The following DPYD variants were observed in gnomAD, a reference collection of about 807,000 sequenced individuals.
DPYD encodes the protein dihydropyrimidine dehydrogenase [NADP(+)].
Under a neutral mutation model 116.2 loss-of-function variants are expected in DPYD, and 109 were observed. That is an observed-to-expected ratio of 0.94 (90% CI 0.80 to 1.10). The LOEUF is 1.10. DPYD is among the 50% of genes least tolerant of loss of function. DPYD has a pLI of 0.00. For synonymous variants in DPYD, 440 were observed against 432.0 expected (o/e 1.02, Z -0.23); for missense variants, 1,302 against 1,254.5 (o/e 1.04, Z -0.57).
intron 13 of DPYD, among the ~76,000 whole-genome samples, chr1:97,489,994 A>G (rs1451227941): frequency 2.0e-5 from 3 of 152,142 alleles, no homozygotes. Context: ...CACCAAATAA[A>G]CAACAATGTG....
intron 11 of DPYD, among the ~76,000 whole-genome samples, chr1:97,562,087 A>G (rs1252070334): frequency 6.6e-6 from 1 of 152,256 alleles, no homozygotes; most frequent in Admixed American, 6.5e-5. Context: ...AGAATCTTGT[A>G]TAATTAATAC....
intron 12 of DPYD, among the ~76,000 whole-genome samples, chr1:97,535,113 A>C (rs1034929308): frequency 6.6e-6 from 1 of 152,268 alleles, no homozygotes; most frequent in African/African-American, 2.4e-5. Context: ...CTGAGCAATT[A>C]GTTCACAACT....
At chr1:97,171,900 C>T (rs1656747146) in intron 20 of DPYD, among the ~76,000 whole-genome samples, 1 of 151,940 alleles carries the variant, frequency 6.6e-6, no homozygotes, top group African/African-American at 2.4e-5. Context: ...ATAGGCATCA[C>T]CTGCAACTAG....
intron 6 of DPYD, among the ~76,000 whole-genome samples, chr1:97,698,495 C>A (rs1291872037): frequency 6.6e-6 from 1 of 151,780 alleles, no homozygotes; most frequent in Non-Finnish European, 1.5e-5. Flanking sequence ...TTAAATTTAT[C>A]CTCTGTGATT....
Position 97,233,466 on chromosome 1 carries a change from G to A in DPYD, c.2442+1386C>T, listed in dbSNP as rs557475011. Among the ~76,000 whole-genome samples, 12 of 152,252 alleles carry A rather than the reference G, an allele frequency of 7.9e-5. No individual in the cohort carries two copies. In the East Asian group the frequency reaches 2.3e-3, roughly 30 times the overall value. On this transcript the variant is annotated intron_variant, in intron 19 of 22. Transcript: ENST00000370192. ...TCATTTTTGCCCAGTGGGGATGTGAGACTGCTTGGTGAGGGTGGACGTCTA... is the reference window on the plus strand; with the variant it reads ...TCATTTTTGCCCAGTGGGGATGTGAAACTGCTTGGTGAGGGTGGACGTCTA...
intron 16 of DPYD, among the ~76,000 whole-genome samples, chr1:97,319,309 G>A (rs987236912): frequency 2.9e-4 from 43 of 150,844 alleles, no homozygotes; most frequent in African/African-American, 1.1e-3. Context: ...TTTCTGAAAG[G>A]ATCAACAAAA....
chr1:97,254,291 T>C (rs666924), intron 18 of DPYD, among the ~76,000 whole-genome samples: 59,820 of 151,942 alleles, frequency 0.39, 11,960 homozygotes, highest in Middle Eastern at 0.46. Context: ...TATATACTTA[T>C]TTGTATGAAT....
At chr1:97,233,851 A>C (rs1196273995) in intron 19 of DPYD, among the ~76,000 whole-genome samples, 2 of 152,176 alleles carry the variant, frequency 1.3e-5, no homozygotes, top group Admixed American at 6.6e-5. Context: ...ATACAGTGGG[A>C]GGCACAGAGA....
chr1:97,211,220 T>C (rs542682730), intron 19 of DPYD, among the ~76,000 whole-genome samples: 1 of 152,278 alleles, frequency 6.6e-6, no homozygotes, highest in Admixed American at 6.5e-5. Context: ...CTTTGCTCTG[T>C]CTTTCTGCAA....
At chr1:97,383,683 A>ACAGCGCCAGGACC (rs765057622) in intron 14 of DPYD, among the ~76,000 whole-genome samples, 2 of 152,144 alleles carry the variant, frequency 1.3e-5, no homozygotes. Context: ...CTGATAAGGA[A>ACAGCGCCAGGACC]CAGCGCCAGG....
chr1:97,434,018 A>T (rs1339057069), intron 14 of DPYD, among the ~76,000 whole-genome samples: 6 of 152,090 alleles, frequency 3.9e-5, no homozygotes, highest in Admixed American at 1.3e-4. Context: ...AAGAGCCATA[A>T]CTAAATTTAC....
chr1:97,830,650 C>G (rs1669493687), intron 2 of DPYD, among the ~76,000 whole-genome samples: 2 of 150,384 alleles, frequency 1.3e-5, no homozygotes. Flanking sequence ...GTGGAGGCTG[C>G]AGTGAGCTGA....
rs982309750 is a variant in DPYD at position 97,298,601 on chromosome 1, A to G, written c.2299+6658T>C. On this transcript the variant is annotated intron_variant, in intron 18 of 22. Coordinates refer to ENST00000370192, the MANE Select transcript of DPYD (RefSeq NM_000110.4). ...CTTCTAGCAGGTTTCAAGATCTTCAACTACGGAGAGGCAATGACATTTTGA... is the reference window on the plus strand; with the variant it reads ...CTTCTAGCAGGTTTCAAGATCTTCAGCTACGGAGAGGCAATGACATTTTGA... Among the ~76,000 whole-genome samples, 13 of 151,998 alleles carry G rather than the reference A, an allele frequency of 8.6e-5. No individual in the cohort carries two copies. In the South Asian group the frequency reaches 1.5e-3, roughly 17 times the overall value.
chr1:97,282,113 G>A (rs1665360595), intron 18 of DPYD, among the ~76,000 whole-genome samples: 1 of 152,020 alleles, frequency 6.6e-6, no homozygotes, highest in Non-Finnish European at 1.5e-5. Flanking sequence ...CCTACACTGA[G>A]GGATGTTGTA....
At chr1:97,672,052 T>C (rs1052375250) in intron 8 of DPYD, among the ~76,000 whole-genome samples, 10 of 150,242 alleles carry the variant, frequency 6.7e-5, no homozygotes, top group Non-Finnish European at 1.5e-4. Flanking sequence ...TCATCTCCCA[T>C]AATCAAACTA....
chr1:97,685,708 A>T (rs1660688647), intron 7 of DPYD, among the ~76,000 whole-genome samples: 1 of 152,190 alleles, frequency 6.6e-6, no homozygotes, highest in South Asian at 2.1e-4. Context: ...CAGAGAACCA[A>T]ATCATGAATG....
intron 16 of DPYD, among the ~76,000 whole-genome samples, chr1:97,361,967 G>T (rs546460265): frequency 1.5e-4 from 23 of 152,328 alleles, no homozygotes; most frequent in African/African-American, 4.6e-4. Flanking sequence ...CATCAGGCAA[G>T]AGAAAGAAAT....
At chr1:97,249,677 T>C (rs1662954235) in intron 18 of DPYD, among the ~76,000 whole-genome samples, 1 of 151,372 alleles carries the variant, frequency 6.6e-6, no homozygotes, top group Non-Finnish European at 1.5e-5. Context: ...TAGAAAAAAA[T>C]ATATTCACAC....
intron 18 of DPYD, among the ~76,000 whole-genome samples, chr1:97,252,240 G>T (rs1481270920): frequency 1.3e-5 from 2 of 152,136 alleles, no homozygotes; most frequent in South Asian, 4.1e-4. Context: ...TACTGGCATG[G>T]ATATGCAGGC....
Sources: gnomAD v4.1 joint callset for allele counts (sites outside exome capture counted in the v4.1 genomes callset) on GRCh38, gnomAD v4.1.1 for gene constraint, MANE v1.5 for transcripts, NCBI Gene and HGNC (gene_info 2026-07-23, HGNC 2026-07-21) for gene names.